Variants in KRTAP13-1 observed in about 807,000 individuals in gnomAD.
KRTAP13-1 encodes the protein keratin associated protein 13-1.
For synonymous variants in KRTAP13-1, 104 were observed against 85.3 expected (o/e 1.22, Z -1.21); for missense variants, 200 against 204.8 (o/e 0.98, Z 0.14).
Position 30,396,121 on chromosome 21 carries a change from C to T in KRTAP13-1, c.35C>T (p.Ser12Phe), listed in dbSNP as rs267606099. The change falls in exon 1 of 1, where the codon TCC (serine) becomes TTC (phenylalanine). Residue 12 changes from serine to phenylalanine, a missense_variant. By Grantham distance (155) the Ser-to-Phe change is radical (BLOSUM62 -2). Transcript: ENST00000355459. ...SYNCCSGNFSSRSCGGYLHYP... is the reference protein window; with the variant it reads ...SYNCCSGNFSFRSCGGYLHYP... ...AACTGCTGCTCTGGAAACTTCTCCT[C>T]CCGCTCCTGTGGTGGCTACCTGCAC... 1.9e-6 allele frequency: 3 copies of T among 1,613,702 alleles called. No homozygotes were observed. The highest frequency in any genetic ancestry group is 2.5e-6 in the Non-Finnish European group (3 of 1,179,764).
At position 30,396,455 on chromosome 21, in the gene KRTAP13-1, G is replaced by A. The variant is rs1410464659; in HGVS notation, c.369G>A (p.Gly123=). 4 of 1,614,082 alleles carry A rather than the reference G, an allele frequency of 2.5e-6. No homozygotes were observed. The highest frequency in any genetic ancestry group is 3.4e-6 in the Non-Finnish European group (4 of 1,180,058). ...GSRSCYSVGC[G]SSGFRSLGYG... ...GGAGCTGCTACTCAGTGGGCTGTGG[G>A]TCCAGTGGCTTCAGATCCCTGGGTT... The change falls in exon 1 of 1, where the codon GGG becomes GGA. Residue 123 remains glycine (G), a synonymous_variant. Coordinates refer to ENST00000355459, the MANE Select transcript of KRTAP13-1 (RefSeq NM_181599.3).
In KRTAP13-1 at chr21:30,396,622, C is replaced by T. The variant is rs202034504; in HGVS notation, c.*17C>T. The T allele has an allele frequency of 9.3e-6, 15 of 1,610,484 alleles. No homozygotes were observed. In the East Asian group the frequency reaches 3.1e-4, roughly 34 times the overall value. ...TACTATTGATCATCTTGTTAAATTG[C>T]TGATTTTGTTGGCTAATGCCTTCAA... On this transcript the variant is annotated 3_prime_UTR_variant, in exon 1 of 1. Coordinates refer to ENST00000355459, the MANE Select transcript of KRTAP13-1 (RefSeq NM_181599.3).
In KRTAP13-1 at chr21:30,396,122, C is replaced by G. The variant is rs766835687; in HGVS notation, c.36C>G (p.Ser12=). 6.2e-7 allele frequency: 1 copy of G among 1,613,698 alleles called. No individual in the cohort carries two copies. Among genetic ancestry groups the G allele is most frequent in the Non-Finnish European group, 8.5e-7 (1 of 1,179,794 alleles). ...ACTGCTGCTCTGGAAACTTCTCCTC[C>G]CGCTCCTGTGGTGGCTACCTGCACT... is the stretch of plus-strand genomic sequence containing the variant. ...SYNCCSGNFS[S]RSCGGYLHYP... The change falls in exon 1 of 1, where the codon TCC becomes TCG. Residue 12 remains serine (S), a synonymous_variant. Transcript: ENST00000355459.
Position 30,396,141 on chromosome 21 carries a change from C to T in KRTAP13-1, c.55C>T (p.Leu19=). 6.2e-7 allele frequency: 1 copy of T among 1,614,070 alleles called. No homozygotes were observed. ...NFSSRSCGGY[L]HYPASSCGFS... is the part of the protein sequence containing the mutation. Reference sequence around the variant, plus strand: ...CTCCTCCCGCTCCTGTGGTGGCTACCTGCACTACCCAGCCTCCTCCTGTGG... The same window carrying T: ...CTCCTCCCGCTCCTGTGGTGGCTACTTGCACTACCCAGCCTCCTCCTGTGG... Residue 19 remains leucine (L), a synonymous_variant, in exon 1 of 1, where the codon CTG becomes TTG. Transcript: ENST00000355459.
chr21:30,396,676 C>A lies in KRTAP13-1; in HGVS notation c.*71C>A. ...CTCTACTCATAACCTTTATTGTCTT[C>A]ATCATGTACAGAAAGAATTAGCCTC... On this transcript the variant is annotated 3_prime_UTR_variant, in exon 1 of 1. Transcript: ENST00000355459. 7.5e-7 allele frequency: 1 copy of A among 1,341,284 alleles called. No homozygotes were observed. Among genetic ancestry groups the A allele is most frequent in the Non-Finnish European group, 1.0e-6 (1 of 974,266 alleles). The allele number at this position is 1,341,284 out of a possible 1,614,324, so 83.1% of individuals were successfully genotyped here.
rs1216196651 is a variant in KRTAP13-1, at chr21:30,396,540, T to C, written c.454T>C (p.Leu152=). 8 of 1,614,092 alleles carry C rather than the reference T, an allele frequency of 5.0e-6. No individual in the cohort carries two copies. Among genetic ancestry groups the C allele is most frequent in the South Asian group, 1.1e-5 (1 of 91,092 alleles). Residue 152 remains leucine (L), a synonymous_variant, in exon 1 of 1, where the codon TTG becomes CTG. Coordinates refer to ENST00000355459, the MANE Select transcript of KRTAP13-1 (RefSeq NM_181599.3). The part of the protein sequence containing the change: ...YGVGFCRPTY[L]ASRSCQSSCY... Reference sequence around the variant, plus strand: ...CGTTGGATTCTGCCGCCCAACCTACTTGGCTTCTAGGAGCTGCCAGTCTTC... The same window carrying C: ...CGTTGGATTCTGCCGCCCAACCTACCTGGCTTCTAGGAGCTGCCAGTCTTC...
rs766040935 is a variant in KRTAP13-1 at position 30,396,505 on chromosome 21, T to C, written c.419T>C (p.Leu140Pro). 40 of 1,614,100 alleles carry C rather than the reference T, an allele frequency of 2.5e-5. No individual in the cohort carries two copies. The African/African-American group carries it at 5.2e-4, about 21-fold the overall frequency. ...LGYGGCGFPS[L>P]GYGVGFCRPT... ...TATGGAGGCTGTGGCTTCCCTTCCC[T>C]GGGCTATGGCGTTGGATTCTGCCGC... Residue 140 changes from leucine to proline, a missense_variant, in exon 1 of 1, where the codon CTG becomes CCG. Leu to Pro is a moderately conservative substitution (Grantham distance 98). Transcript: ENST00000355459.
Position 30,396,639 on chromosome 21 carries a change from T to G in KRTAP13-1, c.*34T>G. 6.4e-7 allele frequency: 1 copy of G among 1,570,814 alleles called. No individual in the cohort carries two copies. The highest frequency in any genetic ancestry group is 1.1e-5 in the South Asian group (1 of 88,452). On this transcript the variant is annotated 3_prime_UTR_variant, in exon 1 of 1. Coordinates refer to ENST00000355459, the MANE Select transcript of KRTAP13-1 (RefSeq NM_181599.3). ...TTAAATTGCTGATTTTGTTGGCTAA[T>G]GCCTTCAATGCCTCTACTCATAACC... is the stretch of plus-strand genomic sequence containing the variant.
At position 30,396,720 on chromosome 21, in the gene KRTAP13-1, G is replaced by T; in HGVS notation, c.*115G>T. 9.4e-7 allele frequency: 1 copy of T among 1,063,604 alleles called. No homozygotes were observed. Among genetic ancestry groups the T allele is most frequent in the Non-Finnish European group, 1.3e-6 (1 of 749,920 alleles). The allele number at this position is 1,063,604 out of a possible 1,614,324, so 65.9% of individuals were successfully genotyped here. Reference sequence around the variant, plus strand: ...TAGCCTCTTATTCTATAATTATCAAGTTCTCAGTTTGTCTTTGTCCCCAAA... The same window carrying T: ...TAGCCTCTTATTCTATAATTATCAATTTCTCAGTTTGTCTTTGTCCCCAAA... On this transcript the variant is annotated 3_prime_UTR_variant, in exon 1 of 1. Coordinates refer to ENST00000355459, the MANE Select transcript of KRTAP13-1 (RefSeq NM_181599.3).
At position 30,396,115 on chromosome 21, in the gene KRTAP13-1, TCTC is replaced by T. The variant is rs765709545; in HGVS notation, c.34_36del (p.Ser12del). Reference sequence around the variant, plus strand: ...TCCTACAACTGCTGCTCTGGAAACTTCTCCTCCCGCTCCTGTGGTGGCTACCTG... The same window carrying T: ...TCCTACAACTGCTGCTCTGGAAACTTCTCCCGCTCCTGTGGTGGCTACCTG... On this transcript the variant is annotated inframe_deletion, in exon 1 of 1. Transcript: ENST00000355459. 3.7e-6 allele frequency: 6 copies of T among 1,613,150 alleles called. No individual in the cohort carries two copies. The Admixed American group carries it at 6.7e-5, about 18-fold the overall frequency.
chr21:30,396,354 A>G lies in KRTAP13-1; in HGVS notation c.268A>G (p.Ser90Gly), dbSNP rs1156269460. ...CCGTCCCAGAACCTCCTTGCTCTGC[A>G]GTCCCTGCCAGACAACTTACTCTGG... ...CYRPRTSLLCSPCQTTYSGSL... is the reference protein window; with the variant it reads ...CYRPRTSLLCGPCQTTYSGSL... Residue 90 changes from serine to glycine, a missense_variant, in exon 1 of 1, where the codon AGT (serine) becomes GGT (glycine). By Grantham distance (56) the Ser-to-Gly change is moderately conservative. Transcript: ENST00000355459. 1 of 1,614,190 alleles carries G rather than the reference A, an allele frequency of 6.2e-7. No individual in the cohort carries two copies. The highest frequency in any genetic ancestry group is 8.5e-7 in the Non-Finnish European group (1 of 1,180,022).
Position 30,396,674 on chromosome 21 carries a change from T to A in KRTAP13-1, c.*69T>A. 1 of 1,374,032 alleles carries A rather than the reference T, an allele frequency of 7.3e-7. No individual in the cohort carries two copies. Among genetic ancestry groups the A allele is most frequent in the Non-Finnish European group, 1.0e-6 (1 of 996,800 alleles). The allele number at this position is 1,374,032 out of a possible 1,614,324, so 85.1% of individuals were successfully genotyped here. ...GCCTCTACTCATAACCTTTATTGTCTTCATCATGTACAGAAAGAATTAGCC... is the reference window on the plus strand; with the variant it reads ...GCCTCTACTCATAACCTTTATTGTCATCATCATGTACAGAAAGAATTAGCC... On this transcript the variant is annotated 3_prime_UTR_variant, in exon 1 of 1. Coordinates refer to ENST00000355459, the MANE Select transcript of KRTAP13-1 (RefSeq NM_181599.3).
rs1301733510 is a variant in KRTAP13-1 at position 30,396,238 on chromosome 21, C to G, written c.152C>G (p.Ser51Cys). ...CSPSTCQLGS[S>C]LYRGCQQTCW... ...CCCAGCACGTGCCAGCTGGGTTCCT[C>G]TCTCTATAGGGGCTGTCAGCAGACC... The change falls in exon 1 of 1, where the codon TCT (serine) becomes TGT (cysteine). Residue 51 changes from serine to cysteine, a missense_variant. Physicochemically the swap from Ser to Cys is moderately radical, Grantham distance 112. Coordinates refer to ENST00000355459, the MANE Select transcript of KRTAP13-1 (RefSeq NM_181599.3). 3 of 1,614,052 alleles carry G rather than the reference C, an allele frequency of 1.9e-6. No individual in the cohort carries two copies. In the Admixed American group the frequency reaches 5.0e-5, roughly 27 times the overall value.
In KRTAP13-1 at chr21:30,396,554, C is replaced by T; in HGVS notation, c.468C>T (p.Ser156=). 1 of 1,614,202 alleles carries T rather than the reference C, an allele frequency of 6.2e-7. No homozygotes were observed. The highest frequency in any genetic ancestry group is 1.7e-5 in the Admixed American group (1 of 60,014). The part of the protein sequence containing the change: ...FCRPTYLASR[S]CQSSCYRPTC... Reference sequence around the variant, plus strand: ...GCCCAACCTACTTGGCTTCTAGGAGCTGCCAGTCTTCTTGCTACAGACCAA... The same window carrying T: ...GCCCAACCTACTTGGCTTCTAGGAGTTGCCAGTCTTCTTGCTACAGACCAA... Residue 156 remains serine (S), a synonymous_variant, in exon 1 of 1, where the codon AGC becomes AGT. Transcript: ENST00000355459.
chr21:30,396,047 T>C lies in KRTAP13-1; in HGVS notation c.-40T>C. On this transcript the variant is annotated 5_prime_UTR_variant, in exon 1 of 1. Coordinates refer to ENST00000355459, the MANE Select transcript of KRTAP13-1 (RefSeq NM_181599.3). The stretch of plus-strand genomic sequence containing the variant: ...AGATGTGGCATGCAAACTCAGAATC[T>C]TCTCAGTGTAACTCAGCTGAACTCA... The C allele has an allele frequency of 6.4e-7, 1 of 1,572,446 alleles. No homozygotes were observed.
In KRTAP13-1 at chr21:30,396,477, G is replaced by A. The variant is rs1983524100; in HGVS notation, c.391G>A (p.Gly131Ser). The A allele has an allele frequency of 1.2e-6, 2 of 1,614,196 alleles. No individual in the cohort carries two copies. Among genetic ancestry groups the A allele is most frequent in the Non-Finnish European group, 1.7e-6 (2 of 1,180,030 alleles). ...TGGGTCCAGTGGCTTCAGATCCCTG[G>A]GTTATGGAGGCTGTGGCTTCCCTTC... The part of the protein sequence containing the change: ...GCGSSGFRSL[G>S]YGGCGFPSLG... The change falls in exon 1 of 1, where the codon GGT becomes AGT. Residue 131 changes from glycine (G) to serine (S), a missense_variant. Gly to Ser is a moderately conservative substitution (Grantham distance 56). Coordinates refer to ENST00000355459, the MANE Select transcript of KRTAP13-1 (RefSeq NM_181599.3).
In KRTAP13-1 at chr21:30,396,791, G is replaced by T; in HGVS notation, c.*186G>T. On this transcript the variant is annotated 3_prime_UTR_variant, in exon 1 of 1. Transcript: ENST00000355459. Reference sequence around the variant, plus strand: ...CTGAAAAACTGTAATTGGAGAACTAGCTCAAAATAAATCTTGAAATACACA... The same window carrying T: ...CTGAAAAACTGTAATTGGAGAACTATCTCAAAATAAATCTTGAAATACACA... The T allele has an allele frequency of 1.7e-6, 1 of 579,568 alleles. No individual in the cohort carries two copies. Among genetic ancestry groups the T allele is most frequent in the Non-Finnish European group, 3.1e-6 (1 of 326,826 alleles). 35.9% of individuals were successfully genotyped at this position (579,568 alleles called of 1,614,324 possible). A position where few individuals can be genotyped will look rare whatever the true frequency, so the allele number is the denominator to read the frequency against.
chr21:30,396,320 C>A lies in KRTAP13-1; in HGVS notation c.234C>A (p.Thr78=). ...TSYVESSPCQ[T]SCYRPRTSLL... is the part of the protein sequence containing the mutation. ...ATGTGGAGTCCAGCCCCTGCCAGACCTCCTGCTACCGTCCCAGAACCTCCT... is the reference window on the plus strand; with the variant it reads ...ATGTGGAGTCCAGCCCCTGCCAGACATCCTGCTACCGTCCCAGAACCTCCT... The change falls in exon 1 of 1, where the codon ACC becomes ACA. Residue 78 remains threonine (T), a synonymous_variant. Transcript: ENST00000355459. The A allele has an allele frequency of 6.2e-7, 1 of 1,614,222 alleles. No individual in the cohort carries two copies. Among genetic ancestry groups the A allele is most frequent in the Non-Finnish European group, 8.5e-7 (1 of 1,180,036 alleles).
chr21:30,396,384 C>T lies in KRTAP13-1; in HGVS notation c.298C>T (p.Leu100=), dbSNP rs776791187. ...CTGCCAGACAACTTACTCTGGGTCT[C>T]TAGGCTTTGGATCCAGCAGCTGCCG... ...SPCQTTYSGS[L]GFGSSSCRSL... The change falls in exon 1 of 1, where the codon CTA becomes TTA. Residue 100 remains leucine, a synonymous_variant. Transcript: ENST00000355459. The T allele has an allele frequency of 1.6e-5, 26 of 1,614,222 alleles. 1 individual carries two copies. Among genetic ancestry groups the T allele is most frequent in the Non-Finnish European group, 2.1e-5 (25 of 1,180,042 alleles).
Sources: allele counts gnomAD v4.1 joint callset, GRCh38; gene constraint gnomAD v4.1.1; transcripts MANE v1.5; gene names NCBI Gene and HGNC (gene_info 2026-07-23, HGNC 2026-07-21).